ELFN1: variants seen among roughly 807,000 people sequenced by gnomAD.
ELFN1 encodes extracellular leucine rich repeat and fibronectin type III domain containing 1.
ELFN1 carries 6 observed loss-of-function variants against 7.6 expected under a neutral mutation model. The ratio of observed to expected loss-of-function variants is 0.79; its 90% CI spans 0.43 to 1.56. The LOEUF is 1.56. Among genes scored for constraint, ELFN1 ranks in the 40% most tolerant of loss-of-function variants. The probability of loss-of-function intolerance (pLI) is 0.01; values close to 1 mark genes in which losing one functional copy is unlikely to be tolerated. For synonymous variants in ELFN1, 657 were observed against 588.1 expected (o/e 1.12, Z -1.70); for missense variants, 1,169 against 1,232.2 (o/e 0.95, Z 0.77).
intron 3 of ELFN1, among the ~76,000 whole-genome samples, chr7:1,725,313 C>T (rs1212339347): frequency 6.6e-6 from 1 of 152,202 alleles, no homozygotes; most frequent in African/African-American, 2.4e-5. Context: ...TGCTGGGGCT[C>T]CTGGCAGCTG....
At chr7:1,683,051 A>T (rs1218805031) in intron 1 of ELFN1, among the ~76,000 whole-genome samples, 2 of 152,084 alleles carry the variant, frequency 1.3e-5, no homozygotes, top group Non-Finnish European at 2.9e-5. Flanking sequence ...TGGTTTGCTG[A>T]TATTTTAAGG....
chr7:1,741,579 G>A (rs1041225689), intron 3 of ELFN1, among the ~76,000 whole-genome samples: 54 of 152,216 alleles, frequency 3.5e-4, no homozygotes, highest in African/African-American at 1.3e-3. Context: ...GGGGGAGTGG[G>A]GCATGGTGGT....
At chr7:1,727,034 C>T (rs4720965) in intron 3 of ELFN1, among the ~76,000 whole-genome samples, 20,886 of 152,152 alleles carry the variant, frequency 0.14, 1,821 homozygotes, top group South Asian at 0.25. Context: ...GCATCGGGGT[C>T]GGGCTGTGGG....
At chr7:1,736,613 C>A (rs1249588330) in intron 3 of ELFN1, among the ~76,000 whole-genome samples, 1 of 152,228 alleles carries the variant, frequency 6.6e-6, no homozygotes, top group Non-Finnish European at 1.5e-5. Flanking sequence ...GTGCTCTCTG[C>A]AGGGGGCAGT....
At chr7:1,674,650 G>T (rs890156751) in intron 1 of ELFN1, among the ~76,000 whole-genome samples, 3 of 152,146 alleles carry the variant, frequency 2.0e-5, no homozygotes, top group African/African-American at 7.2e-5. Context: ...CGCCCTCGAC[G>T]TCTGCCCTAA....
rs1382557320 is a variant in ELFN1, at chr7:1,746,594, G to A, written c.1998G>A (p.Glu666=). The A allele has an allele frequency of 7.4e-7, 1 of 1,347,620 alleles. No individual in the cohort carries two copies. Among genetic ancestry groups the A allele is most frequent in the South Asian group, 1.7e-5 (1 of 58,104 alleles). 83.5% of individuals were successfully genotyped at this position (1,347,620 alleles called of 1,614,324 possible). A position where few individuals can be genotyped will look rare whatever the true frequency, so the allele number is the denominator to read the frequency against. Residue 666 remains glutamate (E), a synonymous_variant, in exon 4 of 4, where the codon GAG becomes GAA. Coordinates refer to ENST00000424383, the MANE Select transcript of ELFN1 (RefSeq NM_001128636.4). ...AVGVHKAAAA[E]AKYIEKGSPA... ...GGGTGCACAAGGCCGCGGCCGCCGA[G>A]GCCAAGTACATCGAGAAGGGCTCCC...
intron 3 of ELFN1, among the ~76,000 whole-genome samples, chr7:1,743,378 C>G (rs914043658): frequency 1.3e-5 from 2 of 152,202 alleles, no homozygotes; most frequent in African/African-American, 4.8e-5. Flanking sequence ...GGAGCTGTCC[C>G]TCTCCCAGCC....
At chr7:1,736,760 G>T (rs1007321956) in intron 3 of ELFN1, among the ~76,000 whole-genome samples, 1 of 152,168 alleles carries the variant, frequency 6.6e-6, no homozygotes, top group Non-Finnish European at 1.5e-5. Context: ...AGGCCTGGAG[G>T]TGGGAATTGG....
chr7:1,736,663 C>A (rs1780455452), intron 3 of ELFN1, among the ~76,000 whole-genome samples: 1 of 152,202 alleles, frequency 6.6e-6, no homozygotes, highest in African/African-American at 2.4e-5. Flanking sequence ...AGGGCTCCAG[C>A]TGGGGAGACA....
At chr7:1,678,528 A>G (rs966698893) in intron 1 of ELFN1, among the ~76,000 whole-genome samples, 23 of 152,188 alleles carry the variant, frequency 1.5e-4, no homozygotes, top group African/African-American at 5.3e-4. Context: ...CACATGTGCC[A>G]GAACCCAGCA....
In ELFN1 at chr7:1,746,413, C is replaced by T. The variant is rs993029400; in HGVS notation, c.1817C>T (p.Ala606Val). The T allele has an allele frequency of 1.3e-6, 2 of 1,534,104 alleles. No individual in the cohort carries two copies. Among genetic ancestry groups the T allele is most frequent in the Non-Finnish European group, 8.8e-7 (1 of 1,141,742 alleles). Reference sequence around the variant, plus strand: ...CTGGTGCTGCTGTCCGAGCCGCTGGCCGCCAAGCACGGCTTCCTGGCGCCC... The same window carrying T: ...CTGGTGCTGCTGTCCGAGCCGCTGGTCGCCAAGCACGGCTTCCTGGCGCCC... ...PPLVLLSEPL[A>V]AKHGFLAPGY... is the part of the protein sequence containing the mutation. Residue 606 changes from alanine (A) to valine (V), a missense_variant, in exon 4 of 4, where the codon GCC (alanine) becomes GTC (valine). Ala to Val is a moderately conservative substitution (Grantham distance 64). This residue lies in a region of ELFN1 where 914 missense variants were observed against 872.6 expected (regional missense o/e 1.05). Coordinates refer to ENST00000424383, the MANE Select transcript of ELFN1 (RefSeq NM_001128636.4).
intron 3 of ELFN1, among the ~76,000 whole-genome samples, chr7:1,723,504 T>C (rs1780088050): frequency 6.6e-6 from 1 of 152,248 alleles, no homozygotes; most frequent in Non-Finnish European, 1.5e-5. Context: ...TTCCTTCTTT[T>C]TCACTGCTGC....
rs1780721281 is a variant in ELFN1 at position 1,744,593 on chromosome 7, C to T, written c.-4C>T. On this transcript the variant is annotated 5_prime_UTR_variant, in exon 4 of 4. Coordinates refer to ENST00000424383, the MANE Select transcript of ELFN1 (RefSeq NM_001128636.4). ...GAATTGGGGCTCCCTGCAGGGCGGTCCCGATGGCCGGGCGTGGGTGGGGCG... is the reference window on the plus strand; with the variant it reads ...GAATTGGGGCTCCCTGCAGGGCGGTTCCGATGGCCGGGCGTGGGTGGGGCG... 6.6e-7 allele frequency: 1 copy of T among 1,507,866 alleles called. No homozygotes were observed. Among genetic ancestry groups the T allele is most frequent in the East Asian group, 2.5e-5 (1 of 40,406 alleles). The allele number at this position is 1,507,866 out of a possible 1,614,324, so 93.4% of individuals were successfully genotyped here.
At chr7:1,702,093 C>G (rs1779438963) in intron 2 of ELFN1, among the ~76,000 whole-genome samples, 1 of 151,906 alleles carries the variant, frequency 6.6e-6, no homozygotes, top group Non-Finnish European at 1.5e-5. Context: ...TCTGAGTCAC[C>G]ATAGCTTTAT....
intron 3 of ELFN1, among the ~76,000 whole-genome samples, chr7:1,717,060 G>C (rs916447562): frequency 6.6e-6 from 1 of 152,214 alleles, no homozygotes; most frequent in African/African-American, 2.4e-5. Flanking sequence ...GGGGAAAGGC[G>C]TGGAAGGAGA....
At chr7:1,678,636 G>GCCTC (rs1778918022) in intron 1 of ELFN1, among the ~76,000 whole-genome samples, 1 of 152,136 alleles carries the variant, frequency 6.6e-6, no homozygotes, top group Admixed American at 6.5e-5. Context: ...CTTCCCCCAA[G>GCCTC]CCTCCTCTGG....
At chr7:1,725,990 A>G (rs1016914262) in intron 3 of ELFN1, among the ~76,000 whole-genome samples, 11 of 152,032 alleles carry the variant, frequency 7.2e-5, no homozygotes, top group African/African-American at 2.7e-4. Context: ...CACACATAGT[A>G]CAGTCTTACC....
chr7:1,746,050 A>G lies in ELFN1; in HGVS notation c.1454A>G (p.Gln485Arg). 1.3e-6 allele frequency: 2 copies of G among 1,546,720 alleles called. No homozygotes were observed. The highest frequency in any genetic ancestry group is 1.7e-6 in the Non-Finnish European group (2 of 1,145,064). The change falls in exon 4 of 4, where the codon CAG becomes CGG. Residue 485 changes from glutamine (Q) to arginine (R), a missense_variant. By Grantham distance (43) the Gln-to-Arg change is conservative. This residue lies in a region of ELFN1 where 914 missense variants were observed against 872.6 expected (regional missense o/e 1.05). Coordinates refer to ENST00000424383, the MANE Select transcript of ELFN1 (RefSeq NM_001128636.4). ...GCGCCCGGCCTGGCCCCGCTGTCCC[A>G]GGGCCCGCTGCTGGGCCCCGAGGCC... ...LEAPGLAPLS[Q>R]GPLLGPEAVT...
Position 1,746,707 on chromosome 7 carries a change from G to C in ELFN1, c.2111G>C (p.Arg704Pro), listed in dbSNP as rs1179037773. The C allele has an allele frequency of 6.8e-7, 1 of 1,468,742 alleles. No homozygotes were observed. Among genetic ancestry groups the C allele is most frequent in the Non-Finnish European group, 9.0e-7 (1 of 1,116,658 alleles). 91.0% of individuals were successfully genotyped at this position (1,468,742 alleles called of 1,614,324 possible). ...AAGGGTCGCCAGTACGGCGAGCACC[G>C]GCACTCGTACCCCGGCTCCCACCCG... ...AEKGRQYGEH[R>P]HSYPGSHPAE... Residue 704 changes from arginine to proline, a missense_variant, in exon 4 of 4, where the codon CGG (arginine) becomes CCG (proline). Physicochemically the swap from Arg to Pro is moderately radical, Grantham distance 103 (BLOSUM62 -2). This residue lies in a region of ELFN1 where 914 missense variants were observed against 872.6 expected (regional missense o/e 1.05). Coordinates refer to ENST00000424383, the MANE Select transcript of ELFN1 (RefSeq NM_001128636.4).
Sources: allele counts gnomAD v4.1 joint callset (sites outside exome capture counted in the v4.1 genomes callset), GRCh38; gene constraint gnomAD v4.1.1; regional missense constraint gnomAD v4.1.1; transcripts MANE v1.5; gene names NCBI Gene and HGNC (gene_info 2026-07-23, HGNC 2026-07-21).